The following PLPPR1 variants were observed in gnomAD, a reference collection of about 807,000 sequenced individuals.
The protein encoded by PLPPR1 is phospholipid phosphatase-related protein type 1.
PLPPR1 carries 10 observed loss-of-function variants against 33.1 expected under a neutral mutation model. The observed-to-expected ratio is 0.30, with a 90% CI of 0.19 to 0.51. The LOEUF is 0.51. Ranked by LOEUF, PLPPR1 falls within the 20% of genes least tolerant of loss-of-function variation. The probability of loss-of-function intolerance (pLI) is 0.97; values close to 1 mark genes in which losing one functional copy is unlikely to be tolerated. For missense variants in PLPPR1, 304 were observed against 408.1 expected, an observed-to-expected ratio of 0.74 and a Z score of 2.20; for synonymous variants, 151 against 151.0, an observed-to-expected ratio of 1.00 and a Z score of 0.00.
intron 2 of PLPPR1, among the ~76,000 whole-genome samples, chr9:101,231,613 G>A (rs534280650): frequency 2.6e-5 from 4 of 151,888 alleles, no homozygotes; most frequent in Non-Finnish European, 5.9e-5. Flanking sequence ...TTGTTTAATG[G>A]CTTTGAAAAT....
At chr9:101,296,014 C>A (rs1283127520) in intron 4 of PLPPR1, among the ~76,000 whole-genome samples, 2 of 150,384 alleles carry the variant, frequency 1.3e-5, no homozygotes, top group South Asian at 4.3e-4. Context: ...AGTGAACAGG[C>A]AACCTATAAA....
chr9:101,277,390 G>T (rs1828216128), intron 3 of PLPPR1, among the ~76,000 whole-genome samples: 1 of 152,136 alleles, frequency 6.6e-6, no homozygotes, highest in Admixed American at 6.5e-5. Flanking sequence ...GATGACTTGG[G>T]GTAGGCTGTG....
chr9:101,297,019 A>G (rs1275184212), intron 4 of PLPPR1, among the ~76,000 whole-genome samples: 1 of 152,222 alleles, frequency 6.6e-6, no homozygotes, highest in African/African-American at 2.4e-5. Context: ...GCAACATTAT[A>G]TAAGTGTATA....
At chr9:101,264,371 C>T (rs1259550449) in intron 2 of PLPPR1, among the ~76,000 whole-genome samples, 1 of 152,072 alleles carries the variant, frequency 6.6e-6, no homozygotes, top group Non-Finnish European at 1.5e-5. Context: ...AAGCAGACAC[C>T]ACACAGCCCT....
intron 3 of PLPPR1, among the ~76,000 whole-genome samples, chr9:101,271,600 A>G (rs535830362): frequency 1.3e-5 from 2 of 152,258 alleles, no homozygotes; most frequent in Admixed American, 6.5e-5. Context: ...GTACCTCACA[A>G]TGTGACACAC....
chr9:101,294,001 TAATG>T (rs1463988386), intron 4 of PLPPR1, among the ~76,000 whole-genome samples: 2 of 152,020 alleles, frequency 1.3e-5, no homozygotes, highest in African/African-American at 4.8e-5. Context: ...TTCAAAAAAT[TAATG>T]AATCCAGGAG....
At chr9:101,216,587 A>G (rs1826799749) in intron 2 of PLPPR1, among the ~76,000 whole-genome samples, 1 of 152,254 alleles carries the variant, frequency 6.6e-6, no homozygotes, top group Non-Finnish European at 1.5e-5. Context: ...AATGAATTTT[A>G]CAAAAGCAAA....
chr9:101,051,126 C>A (rs1481563841), intron 1 of PLPPR1, among the ~76,000 whole-genome samples: 2 of 152,156 alleles, frequency 1.3e-5, no homozygotes, highest in Non-Finnish European at 2.9e-5. Flanking sequence ...CTTCCATTTT[C>A]TGTTCTTCAC....
chr9:101,183,229 A>G (rs1826147872), intron 1 of PLPPR1, among the ~76,000 whole-genome samples: 3 of 151,884 alleles, frequency 2.0e-5, no homozygotes, highest in Admixed American at 6.6e-5. Context: ...TATTGAATAC[A>G]ACCAAATACT....
chr9:101,207,301 T>C (rs1322057538), intron 2 of PLPPR1, among the ~76,000 whole-genome samples: 1 of 152,182 alleles, frequency 6.6e-6, no homozygotes, highest in Non-Finnish European at 1.5e-5. Flanking sequence ...GGAAAGGAAC[T>C]AGAAGCATTA....
chr9:101,080,054 G>GAA (rs1830599461), intron 1 of PLPPR1, among the ~76,000 whole-genome samples: 1 of 152,022 alleles, frequency 6.6e-6, no homozygotes, highest in Non-Finnish European at 1.5e-5. Context: ...TTAAATCTAA[G>GAA]ATTTATATCT....
intron 1 of PLPPR1, among the ~76,000 whole-genome samples, chr9:101,034,904 G>A (rs971455670): frequency 6.6e-6 from 1 of 152,078 alleles, no homozygotes; most frequent in Non-Finnish European, 1.5e-5. Flanking sequence ...TATGGCAGGC[G>A]CAGACCAGCT....
At chr9:101,274,893 G>T (rs1440390186) in intron 3 of PLPPR1, among the ~76,000 whole-genome samples, 1 of 152,136 alleles carries the variant, frequency 6.6e-6, no homozygotes, top group Non-Finnish European at 1.5e-5. Flanking sequence ...GTACCCAAAA[G>T]AAATGGTTAG....
rs111718398 is a variant in PLPPR1 at position 101,134,184 on chromosome 9, G to T, written c.-45-51266G>T. Among the ~76,000 whole-genome samples, 1,149 of 152,250 alleles carry T rather than the reference G, an allele frequency of 7.5e-3. 10 individuals carry two copies. Among genetic ancestry groups the T allele is most frequent in the Middle Eastern group, 0.017 (5 of 294 alleles). On this transcript the variant is annotated intron_variant, in intron 1 of 7. Coordinates refer to ENST00000374874, the MANE Select transcript of PLPPR1 (RefSeq NM_207299.2). ...AAGTTGGCATCTGCTAATAGTTTCT[G>T]CCAGCCTTCAAGCCAAACTGACTAT...
intron 2 of PLPPR1, among the ~76,000 whole-genome samples, chr9:101,225,006 T>C (rs1371329132): frequency 1.3e-5 from 2 of 152,224 alleles, no homozygotes; most frequent in Non-Finnish European, 2.9e-5. Context: ...TTTTGATATC[T>C]GTCTTTGGAA....
At chr9:101,165,602 G>C (rs1002407730) in intron 1 of PLPPR1, among the ~76,000 whole-genome samples, 1 of 152,142 alleles carries the variant, frequency 6.6e-6, no homozygotes, top group African/African-American at 2.4e-5. Context: ...ATAATAATCT[G>C]CTCCATGCTG....
chr9:101,046,612 T>G (rs750120790), intron 1 of PLPPR1, among the ~76,000 whole-genome samples: 8 of 151,802 alleles, frequency 5.3e-5, no homozygotes, highest in Non-Finnish European at 1.0e-4. Context: ...GCTAATTTTT[T>G]TGTGTGTTTT....
intron 2 of PLPPR1, among the ~76,000 whole-genome samples, chr9:101,241,498 G>C (rs144617114): frequency 1.3e-5 from 2 of 152,190 alleles, no homozygotes; most frequent in South Asian, 2.1e-4. Context: ...ATTCAAAGCC[G>C]TCCTGAGCCA....
At chr9:101,240,671 C>T (rs1457658972) in intron 2 of PLPPR1, among the ~76,000 whole-genome samples, 1 of 152,048 alleles carries the variant, frequency 6.6e-6, no homozygotes, top group Admixed American at 6.6e-5. Flanking sequence ...TATCCAACCT[C>T]CCTTCTTAGC....
Sources: gnomAD v4.1 joint callset for allele counts (sites outside exome capture counted in the v4.1 genomes callset) on GRCh38, gnomAD v4.1.1 for gene constraint, MANE v1.5 for transcripts, NCBI Gene and HGNC (gene_info 2026-07-23, HGNC 2026-07-21) for gene names.